STARD9: variants seen among roughly 807,000 people sequenced by gnomAD.
The protein encoded by STARD9 is StAR related lipid transfer domain containing 9, also known as stAR-related lipid transfer protein 9.
A neutral mutation model predicts 399.8 loss-of-function variants in STARD9; 346 were observed. The ratio of observed to expected loss-of-function variants is 0.87; its 90% CI spans 0.79 to 0.95. STARD9 has a LOEUF of 0.95. Ranked by LOEUF, STARD9 falls within the 40% of genes least tolerant of loss-of-function variation. The pLI is 0.00. For missense variants in STARD9, 5,832 were observed against 5,667.5 expected (o/e 1.03, Z -0.93); for synonymous variants, 2,203 against 2,143.5 (o/e 1.03, Z -0.77).
intron 3 of STARD9, among the ~76,000 whole-genome samples, chr15:42,600,848 A>G (rs1361037654): frequency 1.4e-5 from 2 of 145,976 alleles, no homozygotes; most frequent in Admixed American, 6.8e-5. Flanking sequence ...CACTTGATAT[A>G]TCTGTTTTTC....
In STARD9 at chr15:42,689,042, G is replaced by A. The variant is rs147223674; in HGVS notation, c.7464G>A (p.Lys2488=). The stretch of plus-strand genomic sequence containing the variant: ...ACAAGGTCTCTAGCCAGCCTGAAAA[G>A]AGGGTCAGCTTCTCCTTGGAAGAGG... ...SLNKVSSQPE[K]RVSFSLEEDS... Residue 2488 remains lysine (K), a synonymous_variant, in exon 23 of 33, where the codon AAG becomes AAA. Transcript: ENST00000290607. The A allele has an allele frequency of 1.3e-6, 2 of 1,537,250 alleles. No homozygotes were observed. The highest frequency in any genetic ancestry group is 1.7e-6 in the Non-Finnish European group (2 of 1,146,876).
intron 7 of STARD9, among the ~76,000 whole-genome samples, chr15:42,644,580 AT>A (rs377263634): frequency 6.6e-6 from 1 of 152,310 alleles, no homozygotes; most frequent in African/African-American, 2.4e-5. Flanking sequence ...GTGAGTCATA[AT>A]CTCTTTGCTG....
chr15:42,605,770 C>T (rs996464083), intron 3 of STARD9, among the ~76,000 whole-genome samples: 4 of 152,156 alleles, frequency 2.6e-5, no homozygotes, highest in African/African-American at 9.7e-5. Context: ...CATGGTTCTG[C>T]TGAGATGAGA....
In STARD9 at chr15:42,691,361, G is replaced by C; in HGVS notation, c.9783G>C (p.Lys3261Asn). 1 of 1,537,204 alleles carries C rather than the reference G, an allele frequency of 6.5e-7. No individual in the cohort carries two copies. The highest frequency in any genetic ancestry group is 8.7e-7 in the Non-Finnish European group (1 of 1,146,896). Residue 3261 changes from lysine to asparagine, a missense_variant, in exon 23 of 33, where the codon AAG (lysine) becomes AAC (asparagine). Transcript: ENST00000290607. ...CTGTGGCCAAGCCTCCTGTGTCCAA[G>C]ATTTTATCACAGGGCTTCAAAGACC... ...EVAVAKPPVS[K>N]ILSQGFKDPA... is the part of the protein sequence containing the mutation.
intron 9 of STARD9, among the ~76,000 whole-genome samples, chr15:42,660,288 G>A (rs568813363): frequency 2.0e-5 from 3 of 152,276 alleles, no homozygotes; most frequent in Non-Finnish European, 2.9e-5. Flanking sequence ...ATTTCTGGTC[G>A]GTGCAGTGGC....
In STARD9 at chr15:42,717,048, TGTGA is replaced by T; in HGVS notation, c.13494+3_13494+6del. 1 of 1,537,180 alleles carries T rather than the reference TGTGA, an allele frequency of 6.5e-7. No homozygotes were observed. ...ATGTCGTGGACACTTCTATGGCTGATGTGAGTAACTGCTCCCACCCATCCCTACC... is the reference window on the plus strand; with the variant it reads ...ATGTCGTGGACACTTCTATGGCTGATGTAACTGCTCCCACCCATCCCTACC... On this transcript the variant is annotated splice_donor_variant and splice_donor_region_variant and intron_variant, in intron 28 of 32. Coordinates refer to ENST00000290607, the MANE Select transcript of STARD9 (RefSeq NM_020759.3). LOFTEE classifies it high-confidence loss of function.
Position 42,665,836 on chromosome 15 carries a change from A to C in STARD9, c.1305A>C (p.Gln435His). Residue 435 changes from glutamine to histidine, a missense_variant, in exon 15 of 33, where the codon CAA (glutamine) becomes CAC (histidine). Transcript: ENST00000290607. Reference sequence around the variant, plus strand: ...AAAACCTGAAGGAGCTGGTTCTCCAAAATGAATTGAAGGTGGGTGTGTTGG... The same window carrying C: ...AAAACCTGAAGGAGCTGGTTCTCCACAATGAATTGAAGGTGGGTGTGTTGG... ...SDENLKELVL[Q>H]NELKIDQLTK... The C allele has an allele frequency of 6.5e-7, 1 of 1,537,174 alleles. No homozygotes were observed. Among genetic ancestry groups the C allele is most frequent in the Non-Finnish European group, 8.7e-7 (1 of 1,146,834 alleles).
intron 4 of STARD9, among the ~76,000 whole-genome samples, chr15:42,635,673 G>A (rs2059405964): frequency 6.6e-6 from 1 of 152,142 alleles, no homozygotes; most frequent in South Asian, 2.1e-4. Context: ...GAATTTTACA[G>A]CTCCCTTTGA....
Position 42,689,991 on chromosome 15 carries a change from C to T in STARD9, c.8413C>T (p.Gln2805Ter). 6.5e-7 allele frequency: 1 copy of T among 1,537,496 alleles called. No homozygotes were observed. Among genetic ancestry groups the T allele is most frequent in the East Asian group, 2.4e-5 (1 of 40,920 alleles). ...EVSDNLLVTA[Q>*]GEKTAHFESQ... ...TTCAGATAATTTGTTAGTGACTGCA[C>T]AGGGAGAAAAAACAGCCCATTTTGA... Residue 2805 changes from glutamine to a stop codon, truncating the protein, a stop_gained, in exon 23 of 33, where the codon CAG (glutamine) becomes TAG (stop). Coordinates refer to ENST00000290607, the MANE Select transcript of STARD9 (RefSeq NM_020759.3). LOFTEE classifies it high-confidence loss of function.
chr15:42,598,000 A>ATGTGTGTGTGTGTGTGTG (rs572054615), intron 3 of STARD9, among the ~76,000 whole-genome samples: 1 of 115,110 alleles, frequency 8.7e-6, no homozygotes, highest in Non-Finnish European at 1.7e-5. Context: ...GTATATATAT[A>ATGTGTGTGTGTGTGTGTG]TGTGTGTGTG....
At chr15:42,655,033 G>T (rs990657724) in intron 9 of STARD9, among the ~76,000 whole-genome samples, 8 of 152,186 alleles carry the variant, frequency 5.3e-5, no homozygotes, top group African/African-American at 1.9e-4. Context: ...TGTAATCCCA[G>T]CACTTTGGGA....
intron 15 of STARD9, among the ~76,000 whole-genome samples, chr15:42,667,421 G>C (rs1254394009): frequency 6.6e-6 from 1 of 150,864 alleles, no homozygotes; most frequent in African/African-American, 2.4e-5. Context: ...CTGACCTCGT[G>C]ATCCACCCAC....
chr15:42,695,013 TAAA>T (rs1219002703), intron 24 of STARD9, 124 bp from the exon 25 acceptor site: 1 of 884,270 alleles, frequency 1.1e-6, no homozygotes, highest in Non-Finnish European at 1.7e-6. Context: ...AATCATACTT[TAAA>T]ACCCTGTGGG....
intron 3 of STARD9, among the ~76,000 whole-genome samples, chr15:42,633,712 C>G (rs2059372130): frequency 6.6e-6 from 1 of 150,536 alleles, no homozygotes; most frequent in African/African-American, 2.4e-5. Flanking sequence ...GGCACGATCT[C>G]AGCTCATTGC....
chr15:42,643,573 C>G (rs761344257), intron 7 of STARD9, among the ~76,000 whole-genome samples: 7 of 152,146 alleles, frequency 4.6e-5, no homozygotes, highest in Non-Finnish European at 1.0e-4. Context: ...TCACTGCAAC[C>G]TCTGCCTCCC....
At chr15:42,625,788 A>C (rs2059194552) in intron 3 of STARD9, among the ~76,000 whole-genome samples, 1 of 152,026 alleles carries the variant, frequency 6.6e-6, no homozygotes, top group South Asian at 2.1e-4. Flanking sequence ...AGGGCTGAGT[A>C]CTACATGTAT....
chr15:42,593,654 C>CTTTTTTT (rs71108170), intron 3 of STARD9, among the ~76,000 whole-genome samples: 4 of 66,918 alleles, frequency 6.0e-5, no homozygotes, highest in Non-Finnish European at 7.9e-5. Context: ...GGTTGTGCTT[C>CTTTTTTT]TTTTTTTTTT....
At chr15:42,645,148 A>C (rs965664727) in intron 7 of STARD9, among the ~76,000 whole-genome samples, 19 of 152,226 alleles carry the variant, frequency 1.2e-4, no homozygotes, top group African/African-American at 4.6e-4. Context: ...TCCTCTCATG[A>C]GTCATGAATG....
In STARD9 at chr15:42,687,713, T is replaced by A; in HGVS notation, c.6135T>A (p.Asp2045Glu). 1 of 1,537,492 alleles carries A rather than the reference T, an allele frequency of 6.5e-7. No homozygotes were observed. Among genetic ancestry groups the A allele is most frequent in the Non-Finnish European group, 8.7e-7 (1 of 1,146,960 alleles). The change falls in exon 23 of 33, where the codon GAT becomes GAA. Residue 2045 changes from aspartate (D) to glutamate (E), a missense_variant. Coordinates refer to ENST00000290607, the MANE Select transcript of STARD9 (RefSeq NM_020759.3). ...AGAATAAAAGAGTTAATAATACTGA[T>A]GAAATGGCTAGGCTAATTAGGAGTG... ...KKQNKRVNNT[D>E]EMARLIRSVM... is the part of the protein sequence containing the mutation.
Sources: allele counts gnomAD v4.1 joint callset (sites outside exome capture counted in the v4.1 genomes callset), GRCh38; gene constraint gnomAD v4.1.1; transcripts MANE v1.5; gene names NCBI Gene and HGNC (gene_info 2026-07-23, HGNC 2026-07-21).